KIF3C: variants seen among roughly 807,000 people sequenced by gnomAD.
KIF3C encodes the protein kinesin family member 3C.
A neutral mutation model predicts 67.7 loss-of-function variants in KIF3C; 12 were observed. That is an observed-to-expected ratio of 0.18 (90% CI 0.11 to 0.29). KIF3C has a LOEUF of 0.29. Ranked by LOEUF, KIF3C falls within the 10% of genes least tolerant of loss-of-function variation. The pLI is 1.00. For synonymous variants in KIF3C, 393 were observed against 426.2 expected, an observed-to-expected ratio of 0.92 and a Z score of 0.96; for missense variants, 789 against 1,059.6, an observed-to-expected ratio of 0.74 and a Z score of 3.55.
chr2:25,938,154 G>A (rs1663187350), intron 5 of KIF3C: 1 of 357,192 alleles, frequency 2.8e-6, no homozygotes, highest in African/African-American at 2.2e-5. Flanking sequence ...CCTGAGGTCA[G>A]GAGTTCAAGA....
At chr2:25,961,478 A>G (rs1050381911) in intron 1 of KIF3C, among the ~76,000 whole-genome samples, 4 of 152,224 alleles carry the variant, frequency 2.6e-5, no homozygotes, top group Non-Finnish European at 5.9e-5. Context: ...ATGAGCATCA[A>G]TTACAATTTT....
rs556944660 is a variant in KIF3C, at chr2:25,967,851, GAAACA to G, written c.1546-11412_1546-11408del. 5.9e-5 allele frequency among the ~76,000 whole-genome samples: 9 copies of G among 152,148 alleles called. No individual in the cohort carries two copies. The South Asian group carries it at 1.2e-3, about 21-fold the overall frequency. Reference sequence around the variant, plus strand: ...AAAAAACAAAACAAAACAAAAAACAGAAACAAAACAAAACAACCAGCGAGTTTGAG... The same window carrying G: ...AAAAAACAAAACAAAACAAAAAACAGAAACAAAACAACCAGCGAGTTTGAG... On this transcript the variant is annotated intron_variant, in intron 1 of 7. Coordinates refer to ENST00000264712, the MANE Select transcript of KIF3C (RefSeq NM_002254.8).
chr2:25,948,625 AG>A (rs1663508819), intron 5 of KIF3C, among the ~76,000 whole-genome samples: 2 of 99,832 alleles, frequency 2.0e-5, no homozygotes, highest in Non-Finnish European at 4.1e-5. Flanking sequence ...AGAGAAAGAG[AG>A]AAAGAGAGAG....
At chr2:25,957,441 G>A (rs1165487898) in intron 1 of KIF3C, among the ~76,000 whole-genome samples, 1 of 152,168 alleles carries the variant, frequency 6.6e-6, no homozygotes, top group Non-Finnish European at 1.5e-5. Flanking sequence ...TCTGGTTTGG[G>A]GGGGTGCCCG....
At position 25,980,585 on chromosome 2, in the gene KIF3C, G is replaced by A; in HGVS notation, c.1333C>T (p.Pro445Ser). Residue 445 changes from proline to serine, a missense_variant, in exon 1 of 8, where the codon CCC (proline) becomes TCC (serine). By Grantham distance (74) the Pro-to-Ser change is moderately conservative (BLOSUM62 -1). Transcript: ENST00000264712. This position sits in a 1 kb window ranked among gnomAD's most constrained non-coding sequence, Gnocchi z 7.6. ...EDDNNNNHRP[P>S]QPILESALEK... is the part of the protein sequence containing the mutation. ...AAGGCTGACTCCAGGATGGGCTGGG[G>A]CGGGCGGTGGTTGTTGTTGTTGTCA... The A allele has an allele frequency of 6.2e-7, 1 of 1,614,096 alleles. No individual in the cohort carries two copies. The highest frequency in any genetic ancestry group is 8.5e-7 in the Non-Finnish European group (1 of 1,180,014).
rs1196962529 is a variant in KIF3C at position 25,975,026 on chromosome 2, C to CAAAAAAAAAAAAAA, written c.1545+5333_1545+5346dup. The stretch of plus-strand genomic sequence containing the variant: ...GGGCAACAAAAGTGAAACTCCATCT[C>CAAAAAAAAAAAAAA]AAAAAAAAAAAAAATGAGACCCAAT... On this transcript the variant is annotated intron_variant, in intron 1 of 7. Transcript: ENST00000264712. 1.3e-3 allele frequency among the ~76,000 whole-genome samples: 155 copies of CAAAAAAAAAAAAAA among 116,346 alleles called. 3 individuals are homozygous for CAAAAAAAAAAAAAA. Among genetic ancestry groups the CAAAAAAAAAAAAAA allele is most frequent in the South Asian group, 1.9e-3 (7 of 3,600 alleles). The allele number at this position is 116,346 out of a possible 152,430, so 76.3% of individuals were successfully genotyped here.
At chr2:25,939,647 C>A (rs2149225071) in intron 5 of KIF3C, among the ~76,000 whole-genome samples, 1 of 152,296 alleles carries the variant, frequency 6.6e-6, no homozygotes, top group African/African-American at 2.4e-5. Context: ...AAGAAACACT[C>A]TCTCTTTAAA....
At position 25,981,345 on chromosome 2, in the gene KIF3C, A is replaced by C. The variant is rs1344977492; in HGVS notation, c.573T>G (p.Ile191Met). ...GGTTCCCCAGGTTCATCACATGCTCAATCTCCTTGACATTCTTGGTGACGA... is the reference window on the plus strand; with the variant it reads ...GGTTCCCCAGGTTCATCACATGCTCCATCTCCTTGACATTCTTGGTGACGA... ...SSFVTKNVKE[I>M]EHVMNLGNQT... Residue 191 changes from isoleucine (I) to methionine (M), a missense_variant, in exon 1 of 8, where the codon ATT becomes ATG. Ile to Met is a conservative substitution (Grantham distance 10). Coordinates refer to ENST00000264712, the MANE Select transcript of KIF3C (RefSeq NM_002254.8). This position sits in a 1 kb window ranked among gnomAD's most constrained non-coding sequence, Gnocchi z 8.2. 2 of 1,613,838 alleles carry C rather than the reference A, an allele frequency of 1.2e-6. No individual in the cohort carries two copies. The highest frequency in any genetic ancestry group is 1.7e-6 in the Non-Finnish European group (2 of 1,179,970).
At chr2:25,979,682 C>T (rs13398253) in intron 1 of KIF3C, among the ~76,000 whole-genome samples, 38,338 of 152,048 alleles carry the variant, frequency 0.25, 5,027 homozygotes, top group Middle Eastern at 0.31. Context: ...CACTGTAAGG[C>T]CCAGGGGACC....
intron 1 of KIF3C, among the ~76,000 whole-genome samples, chr2:25,975,483 A>G (rs1470878628): frequency 1.3e-5 from 2 of 152,126 alleles, no homozygotes; most frequent in Non-Finnish European, 2.9e-5. Flanking sequence ...GCCTACTCCT[A>G]TAATTTTTCA....
chr2:25,944,548 G>A (rs775113660), intron 5 of KIF3C, among the ~76,000 whole-genome samples: 6 of 151,660 alleles, frequency 4.0e-5, no homozygotes, highest in African/African-American at 7.3e-5. Context: ...ATGGGGCCTC[G>A]CTATGTTGCC....
chr2:25,969,724 G>A (rs7566685), intron 1 of KIF3C, among the ~76,000 whole-genome samples: 1 of 95,258 alleles, frequency 1.0e-5, no homozygotes, highest in Non-Finnish European at 2.4e-5. Context: ...TTGGGTTTTT[G>A]TTTTTTTTTT....
At chr2:25,942,694 G>A (rs1217042891) in intron 5 of KIF3C, among the ~76,000 whole-genome samples, 5 of 152,158 alleles carry the variant, frequency 3.3e-5, no homozygotes, top group African/African-American at 9.7e-5. Context: ...ACAGGCGTGA[G>A]CCACCGCGCC....
At chr2:25,969,259 T>A (rs1014832675) in intron 1 of KIF3C, among the ~76,000 whole-genome samples, 1 of 149,930 alleles carries the variant, frequency 6.7e-6, no homozygotes, top group Non-Finnish European at 1.5e-5. Flanking sequence ...TCATTACCTT[T>A]AAGCAAATCT....
rs184395048 is a variant in KIF3C, at chr2:25,960,063, C to G, written c.1546-3619G>C. Among the ~76,000 whole-genome samples, 7 of 152,260 alleles carry G rather than the reference C, an allele frequency of 4.6e-5. No individual in the cohort carries two copies. The East Asian group carries it at 1.2e-3, about 25-fold the overall frequency. ...CTTTATTCTTTATAATCAAAAGACA[C>G]TTGCTCTCAAATATCACTGCATGTT... On this transcript the variant is annotated intron_variant, in intron 1 of 7. Transcript: ENST00000264712.
chr2:25,931,162 A>G (rs567639346), intron 5 of KIF3C, among the ~76,000 whole-genome samples: 90 of 152,212 alleles, frequency 5.9e-4, no homozygotes, highest in African/African-American at 2.0e-3. Context: ...TAGAGGTCTT[A>G]AAACGTATCC....
chr2:25,930,131 C>A (rs1326390589), intron 5 of KIF3C, 68 bp from the exon 6 acceptor site: 1 of 1,276,006 alleles, frequency 7.8e-7, no homozygotes, highest in Non-Finnish European at 1.1e-6. Context: ...ATCATGAGGA[C>A]CTAAATATCA....
At chr2:25,936,967 T>C (rs1354992909) in intron 5 of KIF3C, among the ~76,000 whole-genome samples, 2 of 152,202 alleles carry the variant, frequency 1.3e-5, no homozygotes, top group Non-Finnish European at 2.9e-5. Context: ...CTTCAAGCTC[T>C]TTTACTTGGG....
At chr2:25,967,949 T>C (rs1664186536) in intron 1 of KIF3C, among the ~76,000 whole-genome samples, 1 of 152,180 alleles carries the variant, frequency 6.6e-6, no homozygotes, top group Non-Finnish European at 1.5e-5. Context: ...GCTGTTTCGG[T>C]ATCTCATTGG....
Sources: gnomAD v4.1 joint callset for allele counts (sites outside exome capture counted in the v4.1 genomes callset) on GRCh38, gnomAD v4.1.1 for gene constraint, Gnocchi (gnomAD v3.1) non-coding constraint, MANE v1.5 for transcripts, NCBI Gene and HGNC (gene_info 2026-07-23, HGNC 2026-07-21) for gene names.